The following WDR41 variants were observed in gnomAD, a reference collection of about 807,000 sequenced individuals.
WDR41 encodes WD repeat-containing protein 41.
Under a neutral mutation model 69.3 loss-of-function variants are expected in WDR41, and 63 were observed. The observed-to-expected ratio is 0.91, with a 90% CI of 0.74 to 1.12. The LOEUF (loss-of-function observed/expected upper bound fraction) is 1.12, where lower values mean the gene tolerates loss of function less well. Among genes scored for constraint, WDR41 ranks in the 50% most tolerant of loss-of-function variants. The pLI, the probability that WDR41 is intolerant of heterozygous loss-of-function variation, is 0.00. For missense variants in WDR41, 543 were observed against 534.5 expected, an observed-to-expected ratio of 1.02 and a Z score of -0.16; for synonymous variants, 185 against 192.1, an observed-to-expected ratio of 0.96 and a Z score of 0.31.
At chr5:77,605,456 A>G (rs1418596887) in intron 1 of WDR41, among the ~76,000 whole-genome samples, 1 of 152,180 alleles carries the variant, frequency 6.6e-6, no homozygotes, top group Non-Finnish European at 1.5e-5. Flanking sequence ...AAGTTGCCCA[A>G]TATCAAATCC....
At chr5:77,548,359 G>A (rs1352230109) in intron 1 of WDR41, among the ~76,000 whole-genome samples, 1 of 152,188 alleles carries the variant, frequency 6.6e-6, no homozygotes, top group Non-Finnish European at 1.5e-5. Context: ...CACAGAGTGG[G>A]AAGAAATCTT....
chr5:77,473,891 T>A lies in WDR41; in HGVS notation c.168-9082A>T, dbSNP rs575471712. Among the ~76,000 whole-genome samples, 4 of 152,264 alleles carry A rather than the reference T, an allele frequency of 2.6e-5. No homozygotes were observed. The South Asian group carries it at 8.3e-4, about 32-fold the overall frequency. ...AGTCAGTGTGGCGATTCCTCAGGGA[T>A]CTAGAACTAGAAATACCATTTGACC... On this transcript the variant is annotated intron_variant, in intron 2 of 12. Coordinates refer to ENST00000296679, the MANE Select transcript of WDR41 (RefSeq NM_018268.4).
At chr5:77,589,391 A>C (rs544874474) in intron 1 of WDR41, among the ~76,000 whole-genome samples, 1 of 152,232 alleles carries the variant, frequency 6.6e-6, no homozygotes, top group South Asian at 2.1e-4. Context: ...GAAAGCTTCC[A>C]GGGGTTTGAG....
intron 1 of WDR41, among the ~76,000 whole-genome samples, chr5:77,578,693 G>A (rs1343217620): frequency 1.3e-5 from 2 of 151,936 alleles, no homozygotes; most frequent in African/African-American, 4.8e-5. Context: ...GCAAAACCCT[G>A]TCTCTACTAA....
intron 2 of WDR41, among the ~76,000 whole-genome samples, chr5:77,483,377 A>C (rs1426583128): frequency 6.6e-6 from 1 of 151,752 alleles, no homozygotes; most frequent in Non-Finnish European, 1.5e-5. Flanking sequence ...GAGCTCAAGG[A>C]ATCCTCCCAT....
chr5:77,440,715 T>C, intron 9 of WDR41, 98 bp downstream of exon 9: 1 of 1,166,710 alleles, frequency 8.6e-7, no homozygotes, highest in Non-Finnish European at 1.2e-6. Context: ...CCATGAATGA[T>C]ACCTTTTTTA....
intron 1 of WDR41, among the ~76,000 whole-genome samples, chr5:77,575,006 A>G (rs1743804080): frequency 6.6e-6 from 1 of 152,210 alleles, no homozygotes; most frequent in African/African-American, 2.4e-5. Context: ...ACATTTCATA[A>G]AAGCCTCTAT....
chr5:77,437,087 C>T (rs1308869518), intron 11 of WDR41, among the ~76,000 whole-genome samples: 5 of 152,048 alleles, frequency 3.3e-5, no homozygotes, highest in African/African-American at 1.2e-4. Flanking sequence ...TTCAGATTAC[C>T]AGAAAGTAAG....
intron 1 of WDR41, among the ~76,000 whole-genome samples, chr5:77,550,997 G>A (rs918944607): frequency 6.6e-6 from 1 of 152,106 alleles, no homozygotes; most frequent in Admixed American, 6.5e-5. Context: ...TGGGAGCTAA[G>A]CATTGGGTAA....
chr5:77,481,563 GA>G (rs1801262170), intron 2 of WDR41, among the ~76,000 whole-genome samples: 1 of 152,014 alleles, frequency 6.6e-6, no homozygotes, highest in African/African-American at 2.4e-5. Context: ...GAGGCAGGCG[GA>G]ACACGAGATC....
intron 2 of WDR41, among the ~76,000 whole-genome samples, chr5:77,481,857 C>T (rs983919918): frequency 1.3e-5 from 2 of 150,882 alleles, no homozygotes; most frequent in African/African-American, 4.9e-5. Flanking sequence ...CTTTATGAAG[C>T]TGATATGTTC....
rs532562491 is a variant in WDR41 at position 77,591,673 on chromosome 5, G to A, written c.42+28806C>T. Among the ~76,000 whole-genome samples the A allele has an allele frequency of 3.2e-4, 49 of 152,148 alleles. 2 individuals carry two copies. The South Asian group carries it at 5.2e-3, about 16-fold the overall frequency. The stretch of plus-strand genomic sequence containing the variant: ...TTTACCCTTAAGTTATACAGAAAAT[G>A]TTATCCAATTTCCAAATGTTTGGGG... On this transcript the variant is annotated intron_variant, in intron 1 of 5. Transcript: ENST00000509971.
intron 1 of WDR41, among the ~76,000 whole-genome samples, chr5:77,535,099 T>C (rs1255560104): frequency 6.6e-6 from 1 of 152,228 alleles, no homozygotes; most frequent in Non-Finnish European, 1.5e-5. Context: ...TAATTTTAGC[T>C]GGACAGTCTG....
At chr5:77,543,357 A>G (rs557841035) in intron 1 of WDR41, among the ~76,000 whole-genome samples, 2 of 152,372 alleles carry the variant, frequency 1.3e-5, no homozygotes, top group Admixed American at 1.3e-4. Context: ...TAAGCTAATC[A>G]GGGAGGCACC....
At chr5:77,525,021 C>T (rs1274832775) in intron 1 of WDR41, among the ~76,000 whole-genome samples, 1 of 152,182 alleles carries the variant, frequency 6.6e-6, no homozygotes, top group Non-Finnish European at 1.5e-5. Context: ...CTATGGCTTC[C>T]CCAGCCTCCT....
chr5:77,512,518 G>A (rs7712412), intron 1 of WDR41, among the ~76,000 whole-genome samples: 74,020 of 151,358 alleles, frequency 0.49, 18,390 homozygotes, highest in African/African-American at 0.59. Flanking sequence ...TTGGGAGGCC[G>A]AGGCAGGCGG....
intron 1 of WDR41, among the ~76,000 whole-genome samples, chr5:77,561,536 G>A (rs1220806515): frequency 6.6e-6 from 1 of 151,914 alleles, no homozygotes; most frequent in African/African-American, 2.4e-5. Context: ...ATCTTCATTG[G>A]ACAATACAGA....
chr5:77,493,659 G>A (rs1801891310), upstream of WDR41, among the ~76,000 whole-genome samples: 1 of 152,292 alleles, frequency 6.6e-6, no homozygotes, highest in African/African-American at 2.4e-5. Flanking sequence ...TACAGTTGAA[G>A]ACAGACCAAA....
At chr5:77,560,066 A>G (rs1052353206) in intron 1 of WDR41, among the ~76,000 whole-genome samples, 1 of 152,212 alleles carries the variant, frequency 6.6e-6, no homozygotes, top group Non-Finnish European at 1.5e-5. Flanking sequence ...ATTAGACACT[A>G]AAATTTTAAG....
Sources: gnomAD v4.1 joint callset for allele counts (sites outside exome capture counted in the v4.1 genomes callset) on GRCh38, gnomAD v4.1.1 for gene constraint, MANE v1.5 for transcripts, NCBI Gene and HGNC (gene_info 2026-07-23, HGNC 2026-07-21) for gene names.